Variants in CSMD3 observed in about 807,000 individuals in gnomAD.
CSMD3 encodes the protein CUB and Sushi multiple domains 3, also known as CUB and sushi domain-containing protein 3.
A neutral mutation model predicts 435.2 loss-of-function variants in CSMD3; 177 were observed. The ratio of observed to expected loss-of-function variants is 0.41; its 90% CI spans 0.36 to 0.46. The LOEUF is 0.46. Among genes scored for constraint, CSMD3 ranks in the 20% least tolerant of loss-of-function variants. CSMD3 has a pLI of 0.34. For synonymous variants in CSMD3, 1,656 were observed against 1,520.5 expected (o/e 1.09, Z -2.07); for missense variants, 4,265 against 4,504.6 (o/e 0.95, Z 1.52).
At chr8:112,884,675 CTT>C (rs943270580) in intron 10 of CSMD3, among the ~76,000 whole-genome samples, 1 of 145,908 alleles carries the variant, frequency 6.9e-6, no homozygotes. Context: ...AGGGGGACAT[CTT>C]TTTTTTTTTC....
chr8:113,003,794 A>G (rs576493741), intron 6 of CSMD3, among the ~76,000 whole-genome samples: 1 of 152,208 alleles, frequency 6.6e-6, no homozygotes, highest in East Asian at 1.9e-4. Flanking sequence ...CATTGCTACT[A>G]TCTTCAACTT....
intron 31 of CSMD3, among the ~76,000 whole-genome samples, chr8:112,475,824 C>T (rs1818991138): frequency 6.6e-6 from 1 of 152,088 alleles, no homozygotes; most frequent in African/African-American, 2.4e-5. Context: ...ATCTTTCTGG[C>T]TCTTAACAAC....
chr8:112,584,185 A>G (rs2131341279), intron 23 of CSMD3, among the ~76,000 whole-genome samples: 1 of 151,970 alleles, frequency 6.6e-6, no homozygotes, highest in Non-Finnish European at 1.5e-5. Context: ...AACTTTCTTC[A>G]TTTTAACACT....
At chr8:112,930,759 A>T (rs1330427591) in intron 9 of CSMD3, among the ~76,000 whole-genome samples, 1 of 152,110 alleles carries the variant, frequency 6.6e-6, no homozygotes, top group Admixed American at 6.6e-5. Flanking sequence ...AATGATATTT[A>T]AAGTGCAAAG....
At chr8:112,733,868 T>C (rs571206496) in intron 13 of CSMD3, among the ~76,000 whole-genome samples, 2 of 152,152 alleles carry the variant, frequency 1.3e-5, no homozygotes, top group Admixed American at 6.6e-5. Flanking sequence ...ATGTAAAACA[T>C]ACATAATAAT....
chr8:112,776,531 A>G (rs1315983949), intron 13 of CSMD3, among the ~76,000 whole-genome samples: 10 of 151,758 alleles, frequency 6.6e-5, no homozygotes, highest in Admixed American at 5.9e-4. Flanking sequence ...CAGATTTTCA[A>G]ATCTCATATT....
At chr8:112,392,596 GA>G (rs997518011) in intron 35 of CSMD3, among the ~76,000 whole-genome samples, 11 of 146,496 alleles carry the variant, frequency 7.5e-5, no homozygotes, top group East Asian at 3.9e-4. Context: ...TCCTGCTGAT[GA>G]AAAAAAAATA....
At chr8:112,609,283 C>A (rs958307659) in intron 22 of CSMD3, among the ~76,000 whole-genome samples, 52 of 126,206 alleles carry the variant, frequency 4.1e-4, no homozygotes, top group Non-Finnish European at 7.0e-4. Context: ...GGTTAATATA[C>A]ATTAAATTCA....
chr8:112,296,004 C>T lies in CSMD3; in HGVS notation c.8443G>A (p.Gly2815Ser), dbSNP rs1384386123. The stretch of plus-strand genomic sequence containing the variant: ...ATCAGTTCTGGAATTCCACAATGAC[C>T]CGCTGAAATACGTTATAAAGTAATA... ...WSESETRCLAGHCGIPELIVN... is the reference protein window; with the variant it reads ...WSESETRCLASHCGIPELIVN... Residue 2815 changes from glycine (G) to serine (S), a missense_variant and splice_region_variant, in exon 54 of 71, where the codon GGT (glycine) becomes AGT (serine). Around this residue, in one of 3 missense-constraint regions of CSMD3, gnomAD observed 3,255 missense variants for 3,380.2 expected, o/e 0.96. Transcript: ENST00000297405. The T allele has an allele frequency of 1.2e-6, 2 of 1,609,316 alleles. No individual in the cohort carries two copies. The highest frequency in any genetic ancestry group is 1.7e-6 in the Non-Finnish European group (2 of 1,175,932).
chr8:113,210,435 AAAC>A (rs149723978), intron 3 of CSMD3, among the ~76,000 whole-genome samples: 2,151 of 152,252 alleles, frequency 0.014, 47 homozygotes, highest in African/African-American at 0.048. Context: ...CTCATTCCTC[AAAC>A]AACATTAAAT....
rs1554713332 is a variant in CSMD3, at chr8:112,899,638, T to TAC, written c.1633+21987_1633+21988dup. Among the ~76,000 whole-genome samples, 37 of 118,452 alleles carry TAC rather than the reference T, an allele frequency of 3.1e-4. 1 individual carries two copies. The highest frequency in any genetic ancestry group is 1.0e-3 in the African/African-American group (31 of 30,706). The allele number at this position is 118,452 out of a possible 152,430, so 77.7% of individuals were successfully genotyped here. A position where few individuals can be genotyped will look rare whatever the true frequency, so the allele number is the denominator to read the frequency against. ...ATATATATATATATATATATGTATA[T>TAC]ACATATATGTGTACGCAAATACATA... On this transcript the variant is annotated intron_variant, in intron 10 of 70. Transcript: ENST00000297405.
intron 30 of CSMD3, among the ~76,000 whole-genome samples, chr8:112,494,879 T>A (rs1178855927): frequency 6.6e-6 from 1 of 152,062 alleles, no homozygotes; most frequent in East Asian, 1.9e-4. Context: ...ATGTGATTCC[T>A]GGGTTTCAAA....
chr8:112,560,937 G>T (rs1004308657), intron 24 of CSMD3, among the ~76,000 whole-genome samples: 8 of 151,552 alleles, frequency 5.3e-5, no homozygotes. Context: ...TGTTTTCAAG[G>T]TTTATTGCCA....
chr8:113,206,259 A>G (rs2092769832), intron 3 of CSMD3, among the ~76,000 whole-genome samples: 1 of 152,088 alleles, frequency 6.6e-6, no homozygotes. Flanking sequence ...ATATATATGT[A>G]TGTGCTTTGG....
chr8:112,745,669 CT>C (rs145001854), intron 13 of CSMD3, among the ~76,000 whole-genome samples: 1,808 of 151,270 alleles, frequency 0.012, 39 homozygotes, highest in African/African-American at 0.042. Flanking sequence ...TTCTAAGTTT[CT>C]TTTTTTTGTT....
At chr8:112,901,246 G>A (rs1488688084) in intron 10 of CSMD3, among the ~76,000 whole-genome samples, 1 of 151,252 alleles carries the variant, frequency 6.6e-6, no homozygotes, top group East Asian at 2.0e-4. Context: ...ACCATCTTAT[G>A]ACTCAAACTC....
intron 5 of CSMD3, among the ~76,000 whole-genome samples, chr8:113,085,749 A>C (rs769672502): frequency 2.0e-4 from 31 of 152,288 alleles, no homozygotes; most frequent in Non-Finnish European, 4.0e-4. Context: ...ATGTAGAGTA[A>C]TTTTATGGTT....
At chr8:113,325,172 A>C (rs2093975429) in intron 1 of CSMD3, among the ~76,000 whole-genome samples, 1 of 152,186 alleles carries the variant, frequency 6.6e-6, no homozygotes, top group Non-Finnish European at 1.5e-5. Context: ...AAATGACTTA[A>C]GACTTTGGGA....
At chr8:112,329,508 A>T (rs1823834407) in intron 45 of CSMD3, among the ~76,000 whole-genome samples, 2 of 152,116 alleles carry the variant, frequency 1.3e-5, no homozygotes, top group South Asian at 4.1e-4. Flanking sequence ...GAAGAAAATT[A>T]TGTTTCCTTG....
Sources: gnomAD v4.1 joint callset for allele counts (sites outside exome capture counted in the v4.1 genomes callset) on GRCh38, gnomAD v4.1.1 for gene constraint, gnomAD v4.1.1 regional missense constraint, MANE v1.5 for transcripts, NCBI Gene and HGNC (gene_info 2026-07-23, HGNC 2026-07-21) for gene names.